DTNA: variants seen among roughly 807,000 people sequenced by gnomAD.
DTNA encodes dystrobrevin alpha.
DTNA carries 43 observed loss-of-function variants against 100.7 expected under a neutral mutation model. That is an observed-to-expected ratio of 0.43 (90% CI 0.33 to 0.55). The LOEUF (loss-of-function observed/expected upper bound fraction) is 0.55. Ranked by LOEUF, DTNA falls within the 20% of genes least tolerant of loss-of-function variation. The pLI, the probability that DTNA is intolerant of heterozygous loss-of-function variation, is 0.04. For missense variants in DTNA, 798 were observed against 953.9 expected (o/e 0.84, Z 2.15); for synonymous variants, 349 against 347.9 (o/e 1.00, Z -0.04).
Position 34,806,321 on chromosome 18 carries a change from T to C in DTNA, c.448+17T>C. 4 of 1,610,992 alleles carry C rather than the reference T, an allele frequency of 2.5e-6. No homozygotes were observed. The highest frequency in any genetic ancestry group is 3.4e-6 in the Non-Finnish European group (4 of 1,177,464). ...AATTAAGATGTAAGTTATTATTCCT[T>C]GTGTGTCTGTTTGCTTTTCCTTGCT... On this transcript the variant is annotated intron_variant, in intron 5 of 22. Coordinates refer to ENST00000444659, the MANE Select transcript of DTNA (RefSeq NM_001386795.1).
intron 1 of DTNA, among the ~76,000 whole-genome samples, chr18:34,644,585 T>C (rs1171904801): frequency 6.6e-6 from 1 of 152,162 alleles, no homozygotes; most frequent in Non-Finnish European, 1.5e-5. Context: ...TGTTGATTTG[T>C]ATATTTTTAA....
chr18:34,866,247 A>G (rs2096702731), intron 17 of DTNA: 1 of 1,599,158 alleles, frequency 6.3e-7, no homozygotes, highest in Admixed American at 1.7e-5. Flanking sequence ...GAAAGAGAAA[A>G]AAGTCATACT....
At chr18:34,628,606 ACC>A (rs1162865145) in intron 1 of DTNA, among the ~76,000 whole-genome samples, 1 of 152,184 alleles carries the variant, frequency 6.6e-6, no homozygotes, top group African/African-American at 2.4e-5. Context: ...ACTTCTAGTA[ACC>A]TTCTGGCATT....
chr18:34,793,613 G>T (rs1277467719), intron 3 of DTNA, among the ~76,000 whole-genome samples: 1 of 152,028 alleles, frequency 6.6e-6, no homozygotes, highest in Non-Finnish European at 1.5e-5. Flanking sequence ...TTTAAATGTT[G>T]GCCTTTTCTT....
chr18:34,580,813 C>T (rs914159516), intron 1 of DTNA, among the ~76,000 whole-genome samples: 2 of 152,130 alleles, frequency 1.3e-5, no homozygotes, highest in South Asian at 4.1e-4. Context: ...CTCTCTTGCC[C>T]TGCCCCAGCC....
chr18:34,660,976 C>T (rs1009783072), intron 1 of DTNA, among the ~76,000 whole-genome samples: 2 of 152,182 alleles, frequency 1.3e-5, no homozygotes. Context: ...TGTCACTGAC[C>T]ATTGCCCACT....
chr18:34,833,722 T>C lies in DTNA; in HGVS notation c.1175+4233T>C, dbSNP rs530398860. On this transcript the variant is annotated intron_variant, in intron 11 of 22. Coordinates refer to ENST00000444659, the MANE Select transcript of DTNA (RefSeq NM_001386795.1). Reference sequence around the variant, plus strand: ...AAAAGATGGCGATAAGAAAAAGAGATTTGTGTGCACATGATTTTAGAAATG... The same window carrying C: ...AAAAGATGGCGATAAGAAAAAGAGACTTGTGTGCACATGATTTTAGAAATG... Among the ~76,000 whole-genome samples the C allele has an allele frequency of 9.8e-5, 15 of 152,290 alleles. No individual in the cohort carries two copies. The South Asian group carries it at 1.5e-3, about 15-fold the overall frequency.
intron 9 of DTNA, chr18:34,822,455 C>T (rs1018602262): frequency 6.6e-6 from 1 of 152,238 alleles, no homozygotes; most frequent in Non-Finnish European, 1.5e-5. Flanking sequence ...TGCTGGGTGT[C>T]ATGAAGATAG....
intron 1 of DTNA, among the ~76,000 whole-genome samples, chr18:34,496,734 A>C (rs1250889481): frequency 2.0e-5 from 3 of 152,214 alleles, no homozygotes; most frequent in Non-Finnish European, 4.4e-5. Flanking sequence ...GAATGAAAGA[A>C]GTTCTATGAG....
At chr18:34,610,151 C>G (rs531013843) in intron 1 of DTNA, among the ~76,000 whole-genome samples, 1 of 152,212 alleles carries the variant, frequency 6.6e-6, no homozygotes, top group Admixed American at 6.5e-5. Context: ...AAGGTCATGC[C>G]TGATTACAAT....
chr18:34,602,248 C>G (rs1354841185), intron 1 of DTNA, among the ~76,000 whole-genome samples: 3 of 152,048 alleles, frequency 2.0e-5, no homozygotes, highest in Non-Finnish European at 4.4e-5. Flanking sequence ...TTTGAATTGT[C>G]ATTTAAATCA....
At chr18:34,680,851 G>A (rs1022326205) in intron 1 of DTNA, among the ~76,000 whole-genome samples, 3 of 152,080 alleles carry the variant, frequency 2.0e-5, no homozygotes, top group African/African-American at 7.2e-5. Flanking sequence ...GTGCCCATCT[G>A]TGCCTGTTAC....
Position 34,789,257 on chromosome 18 carries a change from T to G in DTNA, c.149-4780T>G, listed in dbSNP as rs34289627. On this transcript the variant is annotated intron_variant, in intron 3 of 22. Coordinates refer to ENST00000444659, the MANE Select transcript of DTNA (RefSeq NM_001386795.1). ...AAATACCACCATCCCTTACTGGAAC[T>G]AAAACAATATGCTCCAACTACTTCC... Among the ~76,000 whole-genome samples the G allele has an allele frequency of 9.0e-3, 1,378 of 152,320 alleles. 11 individuals carry two copies. Among genetic ancestry groups the G allele is most frequent in the Non-Finnish European group, 0.015 (990 of 68,028 alleles).
At chr18:34,729,110 T>A (rs936917846) in intron 1 of DTNA, among the ~76,000 whole-genome samples, 1 of 152,180 alleles carries the variant, frequency 6.6e-6, no homozygotes, top group African/African-American at 2.4e-5. Flanking sequence ...GATGTCAATG[T>A]CAATGGCAGG....
chr18:34,858,703 C>G lies in DTNA; in HGVS notation c.1646+305C>G, dbSNP rs1786584. Among the ~76,000 whole-genome samples, 26,695 of 152,162 alleles carry G rather than the reference C, an allele frequency of 0.18. 2,973 individuals are homozygous for G. The highest frequency in any genetic ancestry group is 0.32 in the African/African-American group (13,386 of 41,484). ...CTCGGTTCACTGCAACCTCTGCCTT[C>G]CAGGTACAAGCAATTCTCCTGTCTC... On this transcript the variant is annotated intron_variant, in intron 16 of 22. Transcript: ENST00000444659.
chr18:34,791,998 TC>T (rs2094766266), intron 3 of DTNA, among the ~76,000 whole-genome samples: 1 of 152,160 alleles, frequency 6.6e-6, no homozygotes, highest in Admixed American at 6.5e-5. Flanking sequence ...ACAGGTATCT[TC>T]CCTTCATAAC....
At chr18:34,819,061 G>A (rs1258044271) in intron 8 of DTNA, among the ~76,000 whole-genome samples, 2 of 152,104 alleles carry the variant, frequency 1.3e-5, no homozygotes, top group African/African-American at 2.4e-5. Context: ...TGTTGCCCTC[G>A]TGCATCTCTT....
At chr18:34,651,782 G>A (rs1258529541) in intron 1 of DTNA, among the ~76,000 whole-genome samples, 4 of 152,102 alleles carry the variant, frequency 2.6e-5, no homozygotes, top group Non-Finnish European at 5.9e-5. Context: ...CTCAGACCTG[G>A]GCCGAGCATG....
chr18:34,805,173 T>A (rs1354797950), intron 4 of DTNA, among the ~76,000 whole-genome samples: 2 of 152,210 alleles, frequency 1.3e-5, no homozygotes, highest in Admixed American at 6.5e-5. Context: ...AACAGTTGAT[T>A]CCAGCTGGAA....
Sources: allele counts gnomAD v4.1 joint callset (sites outside exome capture counted in the v4.1 genomes callset), GRCh38; gene constraint gnomAD v4.1.1; transcripts MANE v1.5; gene names NCBI Gene and HGNC (gene_info 2026-07-23, HGNC 2026-07-21).